Variants in PROC observed in about 807,000 individuals in gnomAD.
The protein encoded by PROC is vitamin K-dependent protein C.
In PROC, 22 loss-of-function variants were observed where a neutral mutation model predicts 36.3. That is an observed-to-expected ratio of 0.61 (90% CI 0.43 to 0.86). PROC has a LOEUF of 0.86. Among genes scored for constraint, PROC ranks in the 40% least tolerant of loss-of-function variants. The probability of loss-of-function intolerance (pLI) is 0.00; values close to 1 mark genes in which losing one functional copy is unlikely to be tolerated. For missense variants in PROC, 526 were observed against 629.7 expected (o/e 0.84, Z 1.76); for synonymous variants, 218 against 244.5 (o/e 0.89, Z 1.01).
chr2:127,422,853 C>G (rs879416079), intron 3 of PROC, 64 bp from the exon 4 acceptor site: 219 of 1,541,496 alleles, frequency 1.4e-4, no homozygotes, highest in Non-Finnish European at 1.8e-4. Flanking sequence ...TGCCCTGCCC[C>G]ACCCGGGCGC....
At position 127,421,271 on chromosome 2, in the gene PROC, C is replaced by T; in HGVS notation, c.71-12C>T. On this transcript the variant is annotated splice_polypyrimidine_tract_variant and intron_variant, in intron 2 of 8. Coordinates refer to ENST00000234071, the MANE Select transcript of PROC (RefSeq NM_000312.4). Reference sequence around the variant, plus strand: ...CTCCACCAAGGTGAGCTCCCCCTCCCTCCAAAACCAGACTCAGTGTTCTCC... The same window carrying T: ...CTCCACCAAGGTGAGCTCCCCCTCCTTCCAAAACCAGACTCAGTGTTCTCC... The T allele has an allele frequency of 6.2e-7, 1 of 1,613,570 alleles. No individual in the cohort carries two copies.
At chr2:127,421,858 TCA>T (rs1212780518) in intron 3 of PROC, among the ~76,000 whole-genome samples, 1 of 152,202 alleles carries the variant, frequency 6.6e-6, no homozygotes, top group Non-Finnish European at 1.5e-5. Flanking sequence ...ATAAAATCGC[TCA>T]CTCTGTGCCT....
At position 127,427,182 on chromosome 2, in the gene PROC, C is replaced by A. The variant is rs1370428926; in HGVS notation, c.756C>A (p.Ala252=). 3 of 1,613,540 alleles carry A rather than the reference C, an allele frequency of 1.9e-6. No homozygotes were observed. The African/African-American group carries it at 4.0e-5, about 22-fold the overall frequency. The change falls in exon 8 of 9, where the codon GCC becomes GCA. Residue 252 remains alanine, a synonymous_variant. Coordinates refer to ENST00000234071, the MANE Select transcript of PROC (RefSeq NM_000312.4). ...ACCCCTCCTGGGTGCTGACAGCGGCCCACTGCATGGATGAGTCCAAGAAGC... is the reference window on the plus strand; with the variant it reads ...ACCCCTCCTGGGTGCTGACAGCGGCACACTGCATGGATGAGTCCAAGAAGC... ...LIHPSWVLTA[A]HCMDESKKLL... is the part of the protein sequence containing the mutation.
chr2:127,425,946 A>T, intron 6 of PROC, 139 bp from the exon 7 acceptor site: 1 of 857,858 alleles, frequency 1.2e-6, no homozygotes, highest in South Asian at 1.4e-5. Context: ...GCTAATATTA[A>T]TGGAGTGGTC....
rs890083229 is a variant in PROC at position 127,419,932 on chromosome 2, G to C, written c.-11G>C. ...AGAAGTCCTCCTCAGACAGGTGCCAGTGCCTCCAGAATGTGGCAGCTCACA... is the reference window on the plus strand; with the variant it reads ...AGAAGTCCTCCTCAGACAGGTGCCACTGCCTCCAGAATGTGGCAGCTCACA... On this transcript the variant is annotated 5_prime_UTR_variant, in exon 2 of 9. Coordinates refer to ENST00000234071, the MANE Select transcript of PROC (RefSeq NM_000312.4). 1.4e-5 allele frequency: 22 copies of C among 1,614,002 alleles called. No individual in the cohort carries two copies. Among genetic ancestry groups the C allele is most frequent in the Non-Finnish European group, 1.9e-5 (22 of 1,180,014 alleles).
chr2:127,423,666 C>T (rs1052462555), intron 6 of PROC: 1 of 517,518 alleles, frequency 1.9e-6, no homozygotes. Context: ...GCGCCCCCTG[C>T]GCACCTGGGG....
At chr2:127,428,321 C>A in intron 8 of PROC, 36 bp from the exon 9 acceptor site, 1 of 1,602,332 alleles carries the variant, frequency 6.2e-7, no homozygotes, top group Non-Finnish European at 8.5e-7. Context: ...GAGAGGCTCC[C>A]CGCAGCCCAC....
intron 6 of PROC, among the ~76,000 whole-genome samples, chr2:127,424,197 C>CT (rs920821984): frequency 1.1e-4 from 16 of 151,492 alleles, no homozygotes; most frequent in African/African-American, 1.9e-4. Flanking sequence ...AGGGAACTTT[C>CT]TTTTTTTTCT....
At chr2:127,420,259 T>C (rs1688012162) in intron 2 of PROC, among the ~76,000 whole-genome samples, 1 of 152,134 alleles carries the variant, frequency 6.6e-6, no homozygotes, top group South Asian at 2.1e-4. Flanking sequence ...AGCTCCCTCC[T>C]CCACACGGGG....
chr2:127,425,999 G>T, intron 6 of PROC, 86 bp from the exon 7 acceptor site: 1 of 1,551,636 alleles, frequency 6.4e-7, no homozygotes, highest in Non-Finnish European at 8.9e-7. Context: ...TGGCAAAGTG[G>T]CCCACAGGCT....
chr2:127,426,192 G>A lies in PROC; in HGVS notation c.643G>A (p.Gly215Arg). ...CCAAGTAGATCCGCGGCTCATTGAT[G>A]GGAAGATGACCAGGCGGGGAGACAG... The part of the protein sequence containing the change: ...EDQVDPRLID[G>R]KMTRRGDSPW... Residue 215 changes from glycine to arginine, a missense_variant, in exon 7 of 9, where the codon GGG becomes AGG. Physicochemically the swap from Gly to Arg is moderately radical, Grantham distance 125. Coordinates refer to ENST00000234071, the MANE Select transcript of PROC (RefSeq NM_000312.4). This position sits in a 1 kb window ranked among gnomAD's most constrained non-coding sequence, Gnocchi z 7.0. 6.2e-7 allele frequency: 1 copy of A among 1,614,110 alleles called. No individual in the cohort carries two copies. The highest frequency in any genetic ancestry group is 8.5e-7 in the Non-Finnish European group (1 of 1,180,018).
Position 127,428,721 on chromosome 2 carries a change from T to G in PROC, c.1161T>G (p.Cys387Trp), listed in dbSNP as rs148855579. The G allele has an allele frequency of 6.2e-7, 1 of 1,613,728 alleles. No homozygotes were observed. Among genetic ancestry groups the G allele is most frequent in the East Asian group, 2.2e-5 (1 of 44,878 alleles). ...ACATGGTGTCTGAGAACATGCTGTG[T>G]GCGGGCATCCTCGGGGACCGGCAGG... Reference protein sequence around the residue: ...MSNMVSENMLCAGILGDRQDA... With the variant: ...MSNMVSENMLWAGILGDRQDA... Residue 387 changes from cysteine (C) to tryptophan (W), a missense_variant, in exon 9 of 9, where the codon TGT becomes TGG. Transcript: ENST00000234071.
chr2:127,421,182 CT>C (rs1285321825), intron 2 of PROC, 100 bp from the exon 3 acceptor site: 1 of 1,294,300 alleles, frequency 7.7e-7, no homozygotes, highest in African/African-American at 1.5e-5. Flanking sequence ...GAGACAAGAC[CT>C]TCCCAGGCTC....
At position 127,426,328 on chromosome 2, in the gene PROC, C is replaced by T; in HGVS notation, c.678+101C>T. The T allele has an allele frequency of 6.5e-7, 1 of 1,531,492 alleles. No homozygotes were observed. Among genetic ancestry groups the T allele is most frequent in the Non-Finnish European group, 9.0e-7 (1 of 1,112,382 alleles). The allele number at this position is 1,531,492 out of a possible 1,614,324, so 94.9% of individuals were successfully genotyped here. A position where few individuals can be genotyped will look rare whatever the true frequency, so the allele number is the denominator to read the frequency against. On this transcript the variant is annotated intron_variant, in intron 7 of 8. Coordinates refer to ENST00000234071, the MANE Select transcript of PROC (RefSeq NM_000312.4). This position sits in a 1 kb window ranked among gnomAD's most constrained non-coding sequence, Gnocchi z 7.0. ...GGGTGCAGAAACCGAGAGGGAAGCG[C>T]TGCCATTGCGTTTGGGGGATGATGA... is the stretch of plus-strand genomic sequence containing the variant.
At chr2:127,427,901 C>A (rs1688626125) in intron 8 of PROC, among the ~76,000 whole-genome samples, 1 of 152,158 alleles carries the variant, frequency 6.6e-6, no homozygotes, top group South Asian at 2.1e-4. Flanking sequence ...CAGGTGGGAC[C>A]CGGCCCTGTC....
In PROC at chr2:127,418,555, G is replaced by C; in HGVS notation, c.-22+63G>C. 3 of 1,262,146 alleles carry C rather than the reference G, an allele frequency of 2.4e-6. No homozygotes were observed. The highest frequency in any genetic ancestry group is 3.1e-6 in the Non-Finnish European group (3 of 963,908). The allele number at this position is 1,262,146 out of a possible 1,614,324, so 78.2% of individuals were successfully genotyped here. A position where few individuals can be genotyped will look rare whatever the true frequency, so the allele number is the denominator to read the frequency against. On this transcript the variant is annotated intron_variant, in intron 1 of 8. Coordinates refer to ENST00000234071, the MANE Select transcript of PROC (RefSeq NM_000312.4). The surrounding 1 kb of genome is among the most constrained non-coding windows in gnomAD (Gnocchi z 4.8). Reference sequence around the variant, plus strand: ...AGGGAGGGCTGCCCCCGGGAGAAGAGAGCTAGGTGGTGATGAGGGCTGAAT... The same window carrying C: ...AGGGAGGGCTGCCCCCGGGAGAAGACAGCTAGGTGGTGATGAGGGCTGAAT...
chr2:127,428,531 G>A lies in PROC; in HGVS notation c.971G>A (p.Gly324Asp). 6.2e-7 allele frequency: 1 copy of A among 1,613,942 alleles called. No homozygotes were observed. Among genetic ancestry groups the A allele is most frequent in the Non-Finnish European group, 8.5e-7 (1 of 1,180,046 alleles). Residue 324 changes from glycine (G) to aspartate (D), a missense_variant, in exon 9 of 9, where the codon GGC becomes GAC. Coordinates refer to ENST00000234071, the MANE Select transcript of PROC (RefSeq NM_000312.4). Reference sequence around the variant, plus strand: ...GTGCCCATCTGCCTCCCGGACAGCGGCCTTGCAGAGCGCGAGCTCAATCAG... The same window carrying A: ...GTGCCCATCTGCCTCCCGGACAGCGACCTTGCAGAGCGCGAGCTCAATCAG... ...TIVPICLPDS[G>D]LAERELNQAG...
Position 127,426,327 on chromosome 2 carries a change from G to A in PROC, c.678+100G>A, listed in dbSNP as rs141742655. 4.4e-4 allele frequency: 677 copies of A among 1,530,660 alleles called. 1 individual carries two copies. In the East Asian group the frequency reaches 0.011, roughly 24 times the overall value. 94.8% of individuals were successfully genotyped at this position (1,530,660 alleles called of 1,614,324 possible). A position where few individuals can be genotyped will look rare whatever the true frequency, so the allele number is the denominator to read the frequency against. On this transcript the variant is annotated intron_variant, in intron 7 of 8. Coordinates refer to ENST00000234071, the MANE Select transcript of PROC (RefSeq NM_000312.4). This position sits in a 1 kb window ranked among gnomAD's most constrained non-coding sequence, Gnocchi z 7.0. ...AGGGTGCAGAAACCGAGAGGGAAGC[G>A]CTGCCATTGCGTTTGGGGGATGATG...
Position 127,418,460 on chromosome 2 carries a change from G to C in PROC, c.-54G>C, listed in dbSNP as rs2069936. 1.6e-6 allele frequency: 2 copies of C among 1,289,664 alleles called. No individual in the cohort carries two copies. The highest frequency in any genetic ancestry group is 1.5e-5 in the African/African-American group (1 of 65,832). The allele number at this position is 1,289,664 out of a possible 1,614,324, so 79.9% of individuals were successfully genotyped here. A position where few individuals can be genotyped will look rare whatever the true frequency, so the allele number is the denominator to read the frequency against. On this transcript the variant is annotated 5_prime_UTR_variant, in exon 1 of 9. Transcript: ENST00000234071. The surrounding 1 kb of genome is among the most constrained non-coding windows in gnomAD (Gnocchi z 4.8). ...CTCCAGGCTGTCATGGCGGCAGGAC[G>C]GCGAACTTGCAGTATCTCCACGACC... is the stretch of plus-strand genomic sequence containing the variant.
Sources: gnomAD v4.1 joint callset for allele counts (sites outside exome capture counted in the v4.1 genomes callset) on GRCh38, gnomAD v4.1.1 for gene constraint, Gnocchi (gnomAD v3.1) non-coding constraint, MANE v1.5 for transcripts, NCBI Gene and HGNC (gene_info 2026-07-23, HGNC 2026-07-21) for gene names.